The following ADRA1B variants were observed in gnomAD, a reference collection of about 807,000 sequenced individuals.
The protein encoded by ADRA1B is alpha-1B adrenergic receptor.
A neutral mutation model predicts 17.9 loss-of-function variants in ADRA1B; 17 were observed. The ratio of observed to expected loss-of-function variants is 0.95; its 90% confidence interval spans 0.65 to 1.42. The LOEUF (loss-of-function observed/expected upper bound fraction) is 1.42, where lower values mean the gene tolerates loss of function less well. Among genes scored for constraint, ADRA1B ranks in the 40% most tolerant of loss-of-function variants. The pLI, the probability that ADRA1B is intolerant of heterozygous loss-of-function variation, is 0.00. For missense variants in ADRA1B, 681 were observed against 722.1 expected (o/e 0.94, Z 0.65); for synonymous variants, 366 against 327.6 (o/e 1.12, Z -1.27).
At chr5:159,942,767 G>A (rs538833058) in intron 1 of ADRA1B, among the ~76,000 whole-genome samples, 2 of 152,044 alleles carry the variant, frequency 1.3e-5, no homozygotes, top group Admixed American at 1.3e-4. Context: ...TATGTGTATG[G>A]AAATACATAG....
intron 1 of ADRA1B, among the ~76,000 whole-genome samples, chr5:159,905,599 C>A (rs971334998): frequency 6.6e-6 from 1 of 152,200 alleles, no homozygotes; most frequent in Non-Finnish European, 1.5e-5. Context: ...AGAAACACTG[C>A]CCTGCTCTCA....
At chr5:159,945,101 C>A (rs115426945) in intron 1 of ADRA1B, among the ~76,000 whole-genome samples, 2 of 152,198 alleles carry the variant, frequency 1.3e-5, no homozygotes, top group South Asian at 4.2e-4. Flanking sequence ...AAAAGAGGGC[C>A]GGGTGCGGTG....
chr5:159,891,725 T>C (rs1037958661), intron 1 of ADRA1B, among the ~76,000 whole-genome samples: 15 of 152,158 alleles, frequency 9.9e-5, no homozygotes, highest in Admixed American at 9.2e-4. Context: ...TCTTCAGCTG[T>C]AGGCCAGGCC....
At chr5:159,925,500 C>A (rs1158867602) in intron 1 of ADRA1B, among the ~76,000 whole-genome samples, 4 of 152,176 alleles carry the variant, frequency 2.6e-5, no homozygotes, top group Non-Finnish European at 5.9e-5. Context: ...CCCGGATTCA[C>A]CACCACCCAC....
intron 1 of ADRA1B, among the ~76,000 whole-genome samples, chr5:159,918,293 A>G (rs899076222): frequency 1.3e-5 from 2 of 152,242 alleles, no homozygotes; most frequent in Non-Finnish European, 2.9e-5. Context: ...GCTCGTACAC[A>G]GAAAGGCAGC....
intron 1 of ADRA1B, among the ~76,000 whole-genome samples, chr5:159,944,027 A>G (rs1028183381): frequency 6.6e-6 from 1 of 152,068 alleles, no homozygotes; most frequent in Non-Finnish European, 1.5e-5. Context: ...TTACCATTCA[A>G]TGAGGTACCT....
intron 1 of ADRA1B, among the ~76,000 whole-genome samples, chr5:159,895,144 T>C (rs1053793695): frequency 1.3e-5 from 2 of 152,190 alleles, no homozygotes; most frequent in African/African-American, 4.8e-5. Context: ...GCCCACACGC[T>C]CTGAGAAAGG....
At chr5:159,938,920 C>T (rs958683015) in intron 1 of ADRA1B, among the ~76,000 whole-genome samples, 4 of 152,120 alleles carry the variant, frequency 2.6e-5, no homozygotes, top group East Asian at 1.9e-4. Context: ...GCAGCCAGTC[C>T]GAAACTATCT....
chr5:159,919,702 C>T (rs1754425138), intron 1 of ADRA1B, among the ~76,000 whole-genome samples: 1 of 152,238 alleles, frequency 6.6e-6, no homozygotes, highest in Admixed American at 6.5e-5. Context: ...AGTCTTTCTT[C>T]CTTTGCCCCT....
intron 1 of ADRA1B, among the ~76,000 whole-genome samples, chr5:159,968,270 A>G (rs1755809326): frequency 6.6e-6 from 1 of 152,228 alleles, no homozygotes; most frequent in African/African-American, 2.4e-5. Context: ...TAAATAAGCT[A>G]GTGGTGTGAA....
At chr5:159,869,520 A>G (rs2113066213) in intron 1 of ADRA1B, 1 of 152,388 alleles carries the variant, frequency 6.6e-6, no homozygotes, top group Admixed American at 6.5e-5. Context: ...ATCCCATTGC[A>G]AGAAGTATTT....
intron 1 of ADRA1B, among the ~76,000 whole-genome samples, chr5:159,877,467 A>G (rs1445993925): frequency 6.6e-6 from 1 of 152,156 alleles, no homozygotes; most frequent in East Asian, 1.9e-4. Flanking sequence ...AACCGAGAAA[A>G]TAATAATTTC....
In ADRA1B at chr5:159,948,329, T is replaced by C. The variant is rs114019701; in HGVS notation, c.950-23550T>C. The C allele has an allele frequency of 3.0e-4, 294 of 985,456 alleles. 2 individuals are homozygous for C. The African/African-American group carries it at 4.9e-3, about 16-fold the overall frequency. The allele number at this position is 985,456 out of a possible 1,614,324, so 61.0% of individuals were successfully genotyped here. On this transcript the variant is annotated intron_variant, in intron 1 of 1. Coordinates refer to ENST00000306675, the MANE Select transcript of ADRA1B (RefSeq NM_000679.4). The stretch of plus-strand genomic sequence containing the variant: ...AGCACTTTATGCTCACCCTTTCATT[T>C]GAGTTTCCTGGTATCTCAACAAGGA...
chr5:159,951,498 C>T (rs1284864849), intron 1 of ADRA1B: 14 of 686,036 alleles, frequency 2.0e-5, no homozygotes, highest in Admixed American at 5.5e-5. Flanking sequence ...ACCTTCACCA[C>T]GGTGTCTTGG....
At chr5:159,965,163 G>T (rs1755751233) in intron 1 of ADRA1B, among the ~76,000 whole-genome samples, 1 of 152,124 alleles carries the variant, frequency 6.6e-6, no homozygotes. Context: ...AGGTCGTGGT[G>T]GCCACTCTGC....
the ADRA1B span, among the ~76,000 whole-genome samples, chr5:159,985,660 C>CT: frequency 6.6e-6 from 1 of 152,154 alleles, no homozygotes; most frequent in East Asian, 1.9e-4. Flanking sequence ...TTTTTCTTTT[C>CT]TTTTTTGTAG....
Position 159,950,720 on chromosome 5 carries a change from C to A in ADRA1B, c.950-21159C>A, listed in dbSNP as rs966139840. 7.4e-6 allele frequency: 5 copies of A among 677,162 alleles called. No individual in the cohort carries two copies. In the African/African-American group the frequency reaches 8.8e-5, roughly 12 times the overall value. The allele number at this position is 677,162 out of a possible 1,614,324, so 41.9% of individuals were successfully genotyped here. On this transcript the variant is annotated intron_variant, in intron 1 of 1. Coordinates refer to ENST00000306675, the MANE Select transcript of ADRA1B (RefSeq NM_000679.4). ...GGACACTCCAATGCTCACTTCACCA[C>A]CTTCTTAATGTCATCATATTTGGCA...
At chr5:159,970,893 C>T (rs1236895274) in intron 1 of ADRA1B, among the ~76,000 whole-genome samples, 5 of 152,212 alleles carry the variant, frequency 3.3e-5, no homozygotes, top group Admixed American at 2.6e-4. Flanking sequence ...CAGCCTTGAA[C>T]TCTTGGGCTC....
intron 1 of ADRA1B, 42 bp from the exon 2 acceptor site, chr5:159,971,837 T>C: frequency 1.5e-6 from 2 of 1,308,328 alleles, no homozygotes; most frequent in Non-Finnish European, 2.0e-6. Context: ...TACTCACAAA[T>C]TGCTGTCTTT....
Sources: allele counts gnomAD v4.1 joint callset (sites outside exome capture counted in the v4.1 genomes callset), GRCh38; gene constraint gnomAD v4.1.1; transcripts MANE v1.5; gene names NCBI Gene and HGNC (gene_info 2026-07-23, HGNC 2026-07-21).